The following LRGUK variants were observed in gnomAD, a reference collection of about 807,000 sequenced individuals.
The protein encoded by LRGUK is leucine rich repeats and guanylate kinase domain containing, also known as leucine-rich repeat and guanylate kinase domain-containing protein.
In LRGUK, 65 loss-of-function variants were observed where a neutral mutation model predicts 76.0. The observed-to-expected ratio is 0.85, with a 90% CI of 0.70 to 1.05. LRGUK has a LOEUF of 1.05. LRGUK is among the 50% of genes least tolerant of loss of function. LRGUK has a pLI of 0.00. For synonymous variants in LRGUK, 268 were observed against 265.6 expected (o/e 1.01, Z -0.09); for missense variants, 758 against 732.8 (o/e 1.03, Z -0.40).
At chr7:134,236,229 G>T (rs1563195341) in intron 16 of LRGUK, among the ~76,000 whole-genome samples, 1 of 152,096 alleles carries the variant, frequency 6.6e-6, no homozygotes, top group East Asian at 1.9e-4. Flanking sequence ...CCTTCCATGA[G>T]CCCCATCCTA....
At chr7:134,159,567 G>A (rs190869746) in intron 6 of LRGUK, among the ~76,000 whole-genome samples, 24 of 152,144 alleles carry the variant, frequency 1.6e-4, no homozygotes, top group Admixed American at 4.6e-4. Context: ...AAGGCGGGTG[G>A]ATCATGAGGT....
intron 15 of LRGUK, among the ~76,000 whole-genome samples, 198 bp downstream of exon 15, chr7:134,201,774 G>A (rs1800782708): frequency 6.6e-6 from 1 of 152,074 alleles, no homozygotes; most frequent in Non-Finnish European, 1.5e-5. Flanking sequence ...TATCTCCATG[G>A]TCATGATGGA....
chr7:134,196,818 T>G (rs1260573765), intron 12 of LRGUK, among the ~76,000 whole-genome samples, 174 bp from the exon 13 acceptor site: 2 of 152,210 alleles, frequency 1.3e-5, no homozygotes, highest in Non-Finnish European at 2.9e-5. Flanking sequence ...CTGAATAAAT[T>G]TCTCTGTCAC....
intron 15 of LRGUK, among the ~76,000 whole-genome samples, chr7:134,202,433 G>C (rs1222415): frequency 1 from 152,260 of 152,260 alleles, 76,130 homozygotes; most frequent in Non-Finnish European, 1. Context: ...CAGTATGGAG[G>C]TTCCTCAAAA....
At chr7:134,146,951 CT>C (rs55665947) in intron 4 of LRGUK, among the ~76,000 whole-genome samples, 19,671 of 151,934 alleles carry the variant, frequency 0.13, 1,607 homozygotes, top group East Asian at 0.32. Flanking sequence ...CTTAAAAAAA[CT>C]TTTTTTGTTT....
intron 17 of LRGUK, among the ~76,000 whole-genome samples, chr7:134,248,163 A>G (rs2544176): frequency 0.08 from 12,112 of 152,132 alleles, 1,186 homozygotes; most frequent in African/African-American, 0.23. Flanking sequence ...TTTGTATGGG[A>G]GGTTGGGAGG....
chr7:134,155,665 G>A (rs1798422089), intron 5 of LRGUK, among the ~76,000 whole-genome samples: 1 of 152,122 alleles, frequency 6.6e-6, no homozygotes, highest in Admixed American at 6.5e-5. Context: ...ATTTGGTAAT[G>A]GTATCAATGC....
At chr7:134,143,398 A>G (rs977595238) in intron 4 of LRGUK, among the ~76,000 whole-genome samples, 2 of 152,160 alleles carry the variant, frequency 1.3e-5, no homozygotes, top group African/African-American at 4.8e-5. Context: ...GTTCAAACCA[A>G]CGAACTTTCC....
intron 10 of LRGUK, among the ~76,000 whole-genome samples, chr7:134,179,986 T>C (rs551009858): frequency 1.3e-5 from 2 of 152,204 alleles, no homozygotes; most frequent in Admixed American, 6.5e-5. Flanking sequence ...CTGTCCCCTC[T>C]CCTGGTATAA....
At chr7:134,235,573 T>C (rs917131941) in intron 16 of LRGUK, among the ~76,000 whole-genome samples, 5 of 152,232 alleles carry the variant, frequency 3.3e-5, no homozygotes, top group African/African-American at 9.6e-5. Flanking sequence ...TATCACCCTC[T>C]AATGCATTAG....
chr7:134,248,357 A>G (rs1335147617), intron 17 of LRGUK, among the ~76,000 whole-genome samples: 1 of 152,222 alleles, frequency 6.6e-6, no homozygotes, highest in Admixed American at 6.5e-5. Flanking sequence ...CTGCATTTAT[A>G]TGCAACTGGG....
chr7:134,264,076 C>T (rs1802810372), exon 20 of LRGUK: 15 of 1,184,246 alleles, frequency 1.3e-5, no homozygotes, highest in Non-Finnish European at 1.7e-5. Context: ...TCACTCAACC[C>T]ATTACCCACG....
chr7:134,130,819 T>C (rs1260069935), intron 1 of LRGUK, among the ~76,000 whole-genome samples: 1 of 152,224 alleles, frequency 6.6e-6, no homozygotes, highest in Non-Finnish European at 1.5e-5. Flanking sequence ...CAAAGATTTG[T>C]GTTTGAGGCT....
intron 6 of LRGUK, among the ~76,000 whole-genome samples, chr7:134,161,090 G>A (rs1340161433): frequency 2.6e-5 from 4 of 152,006 alleles, no homozygotes; most frequent in African/African-American, 7.2e-5. Flanking sequence ...AGATACTGTC[G>A]GAAGCATTAC....
intron 16 of LRGUK, among the ~76,000 whole-genome samples, chr7:134,233,893 G>T (rs997218770): frequency 6.6e-6 from 1 of 152,128 alleles, no homozygotes; most frequent in Admixed American, 6.5e-5. Flanking sequence ...CCCACAGCCT[G>T]CCGGCCACAT....
intron 16 of LRGUK, among the ~76,000 whole-genome samples, chr7:134,225,694 T>A (rs1801725313): frequency 6.6e-6 from 1 of 152,242 alleles, no homozygotes; most frequent in Non-Finnish European, 1.5e-5. Flanking sequence ...GTTTGGTGCC[T>A]CATTTTTCTT....
At chr7:134,247,295 T>TA (rs1276370132) in intron 16 of LRGUK, among the ~76,000 whole-genome samples, 1 of 152,144 alleles carries the variant, frequency 6.6e-6, no homozygotes, top group Admixed American at 6.6e-5. Context: ...AAAATGTAAA[T>TA]AAAAATTGCC....
chr7:134,137,903 G>A (rs997463175), intron 2 of LRGUK, among the ~76,000 whole-genome samples: 4 of 151,874 alleles, frequency 2.6e-5, no homozygotes, highest in South Asian at 2.1e-4. Flanking sequence ...ATGATTTGGC[G>A]AAAGGGTATG....
intron 16 of LRGUK, among the ~76,000 whole-genome samples, chr7:134,246,111 AG>A: frequency 6.6e-6 from 1 of 152,222 alleles, no homozygotes; most frequent in Non-Finnish European, 1.5e-5. Flanking sequence ...ATGGTCTCTA[AG>A]GAACAATTTC....
Sources: allele counts gnomAD v4.1 joint callset (sites outside exome capture counted in the v4.1 genomes callset), GRCh38; gene constraint gnomAD v4.1.1; transcripts MANE v1.5; gene names NCBI Gene and HGNC (gene_info 2026-07-23, HGNC 2026-07-21).